Variants in PDS5B observed in about 807,000 individuals in gnomAD.
The protein encoded by PDS5B is PDS5 cohesin associated factor B.
In PDS5B, 51 loss-of-function variants were observed where a neutral mutation model predicts 184.1. That is an observed-to-expected ratio of 0.28 (90% CI 0.22 to 0.35). The LOEUF (loss-of-function observed/expected upper bound fraction) is 0.35. Ranked by LOEUF, PDS5B falls within the 10% of genes least tolerant of loss-of-function variation. PDS5B has a pLI of 1.00. For synonymous variants in PDS5B, 566 were observed against 569.2 expected, an observed-to-expected ratio of 0.99 and a Z score of 0.08; for missense variants, 1,180 against 1,723.3, an observed-to-expected ratio of 0.68 and a Z score of 5.58.
intron 23 of PDS5B, among the ~76,000 whole-genome samples, chr13:32,743,085 A>G (rs1011418266): frequency 9.2e-5 from 14 of 152,010 alleles, no homozygotes; most frequent in African/African-American, 3.1e-4. Flanking sequence ...ATCTATTTCC[A>G]GAAGTATAAA....
chr13:32,727,460 CTT>C (rs925857775), intron 19 of PDS5B, among the ~76,000 whole-genome samples: 1 of 151,942 alleles, frequency 6.6e-6, no homozygotes, highest in Non-Finnish European at 1.5e-5. Flanking sequence ...TGGAAGAACT[CTT>C]TTTAATATTT....
intron 1 of PDS5B, among the ~76,000 whole-genome samples, chr13:32,611,064 C>T (rs186943345): frequency 4.0e-5 from 6 of 151,666 alleles, no homozygotes; most frequent in Non-Finnish European, 7.4e-5. Context: ...ATGAATTTTA[C>T]TTATGTGAAT....
intron 29 of PDS5B, among the ~76,000 whole-genome samples, chr13:32,760,251 G>A (rs369934500): frequency 2.6e-5 from 4 of 152,042 alleles, no homozygotes; most frequent in African/African-American, 4.8e-5. Flanking sequence ...CACTGCACCC[G>A]GCCAAAAAAG....
chr13:32,730,409 G>A (rs1953070261), intron 19 of PDS5B, among the ~76,000 whole-genome samples: 1 of 152,092 alleles, frequency 6.6e-6, no homozygotes, highest in Non-Finnish European at 1.5e-5. Flanking sequence ...TTTTTGCTTA[G>A]GATTGTCTTG....
chr13:32,620,865 C>G (rs1440548925), intron 1 of PDS5B, among the ~76,000 whole-genome samples: 2 of 152,094 alleles, frequency 1.3e-5, no homozygotes, highest in African/African-American at 4.8e-5. Flanking sequence ...TTCTTTCTAT[C>G]TGGTGATGTG....
chr13:32,606,277 C>G (rs2058058721), intron 1 of PDS5B, among the ~76,000 whole-genome samples: 1 of 152,184 alleles, frequency 6.6e-6, no homozygotes, highest in Non-Finnish European at 1.5e-5. Context: ...GACAAAATCT[C>G]TGAGCATTTG....
At position 32,745,390 on chromosome 13, in the gene PDS5B, G is replaced by A. The variant is rs146146186; in HGVS notation, c.2613-587G>A. Among the ~76,000 whole-genome samples the A allele has an allele frequency of 6.6e-5, 10 of 152,206 alleles. No individual in the cohort carries two copies. In the East Asian group the frequency reaches 1.7e-3, roughly 26 times the overall value. Reference sequence around the variant, plus strand: ...AAGACTTGTTTTATTTAGAATGAGGGAATTAAATGACTTGAGTGACACTAG... The same window carrying A: ...AAGACTTGTTTTATTTAGAATGAGGAAATTAAATGACTTGAGTGACACTAG... On this transcript the variant is annotated intron_variant, in intron 23 of 34. Coordinates refer to ENST00000315596, the MANE Select transcript of PDS5B (RefSeq NM_015032.4).
intron 15 of PDS5B, among the ~76,000 whole-genome samples, chr13:32,699,039 T>G (rs1951790441): frequency 6.6e-6 from 1 of 152,168 alleles, no homozygotes; most frequent in African/African-American, 2.4e-5. Context: ...ATTTTACAAT[T>G]TCTGTTATTG....
At chr13:32,759,742 A>C in intron 29 of PDS5B, 52 bp downstream of exon 29, 1 of 823,614 alleles carries the variant, frequency 1.2e-6, no homozygotes. Flanking sequence ...TTTTAGAGTG[A>C]TTATTGGCAA....
At chr13:32,756,952 G>A (rs896877030) in intron 26 of PDS5B, among the ~76,000 whole-genome samples, 3 of 151,842 alleles carry the variant, frequency 2.0e-5, no homozygotes, top group Admixed American at 6.6e-5. Context: ...GCAAAACCCC[G>A]TCTCTACTAA....
chr13:32,640,360 C>T (rs2058639207), intron 1 of PDS5B, among the ~76,000 whole-genome samples: 1 of 152,210 alleles, frequency 6.6e-6, no homozygotes. Context: ...GATTCTCTGG[C>T]CTCAGCCTCC....
chr13:32,673,465 G>A (rs1053782713), intron 8 of PDS5B, 109 bp downstream of exon 8: 22 of 872,058 alleles, frequency 2.5e-5, no homozygotes, highest in Non-Finnish European at 3.8e-5. Flanking sequence ...GAGATGAGGG[G>A]GAAGTATTAC....
intron 6 of PDS5B, among the ~76,000 whole-genome samples, chr13:32,663,944 T>C (rs9591230): frequency 0.38 from 58,303 of 152,006 alleles, 11,644 homozygotes; most frequent in Non-Finnish European, 0.44. Flanking sequence ...TAGTTTTGTT[T>C]CCACTTATAA....
At chr13:32,644,052 C>T (rs1034724312) in intron 1 of PDS5B, among the ~76,000 whole-genome samples, 1 of 152,064 alleles carries the variant, frequency 6.6e-6, no homozygotes, top group Admixed American at 6.6e-5. Flanking sequence ...TGTGTGCTGC[C>T]TAGGGCTTCT....
chr13:32,686,218 A>G (rs1951384275), intron 11 of PDS5B, among the ~76,000 whole-genome samples: 1 of 152,236 alleles, frequency 6.6e-6, no homozygotes, highest in Non-Finnish European at 1.5e-5. Context: ...AAGATAATTA[A>G]TGCCAGATGC....
At chr13:32,613,332 C>T (rs532043386) in intron 1 of PDS5B, among the ~76,000 whole-genome samples, 2 of 152,230 alleles carry the variant, frequency 1.3e-5, no homozygotes, top group South Asian at 4.1e-4. Flanking sequence ...TCCAGAGCTA[C>T]TGCATCATCT....
intron 29 of PDS5B, among the ~76,000 whole-genome samples, chr13:32,760,095 A>G (rs975901221): frequency 2.0e-5 from 3 of 152,200 alleles, no homozygotes; most frequent in South Asian, 2.1e-4. Flanking sequence ...AGCTGGGACT[A>G]CAGGTGCCTG....
chr13:32,661,987 TAAAAG>T (rs1011387396), intron 6 of PDS5B, among the ~76,000 whole-genome samples: 1 of 152,136 alleles, frequency 6.6e-6, no homozygotes, highest in Non-Finnish European at 1.5e-5. Context: ...AGGATTATAA[TAAAAG>T]GAAGAGTTAC....
At chr13:32,602,017 T>C (rs1315537129) in intron 1 of PDS5B, among the ~76,000 whole-genome samples, 1 of 151,876 alleles carries the variant, frequency 6.6e-6, no homozygotes, top group Admixed American at 6.6e-5. Context: ...TTTTAATATT[T>C]GATCTTGCTC....
Sources: gnomAD v4.1 joint callset for allele counts (sites outside exome capture counted in the v4.1 genomes callset) on GRCh38, gnomAD v4.1.1 for gene constraint, MANE v1.5 for transcripts, NCBI Gene and HGNC (gene_info 2026-07-23, HGNC 2026-07-21) for gene names.